The following RANBP3L variants were observed in gnomAD, a reference collection of about 807,000 sequenced individuals.
The protein encoded by RANBP3L is RAN binding protein 3 like.
A neutral mutation model predicts 67.2 loss-of-function variants in RANBP3L; 56 were observed. That is an observed-to-expected ratio of 0.83 (90% CI 0.67 to 1.04). The LOEUF is 1.04. RANBP3L is among the 50% of genes least tolerant of loss of function. The pLI, the probability that RANBP3L is intolerant of heterozygous loss-of-function variation, is 0.00. For missense variants in RANBP3L, 496 were observed against 535.5 expected (o/e 0.93, Z 0.73); for synonymous variants, 164 against 181.4 (o/e 0.90, Z 0.77).
chr5:36,292,829 T>C (rs1751899922), intron 1 of RANBP3L, among the ~76,000 whole-genome samples: 1 of 152,222 alleles, frequency 6.6e-6, no homozygotes, highest in Admixed American at 6.5e-5. Flanking sequence ...TGAAGTCAGG[T>C]AGCGTGATGC....
intron 1 of RANBP3L, among the ~76,000 whole-genome samples, chr5:36,290,898 A>ATTTTTTT (rs758051439): frequency 8.3e-6 from 1 of 120,880 alleles, no homozygotes; most frequent in Non-Finnish European, 1.7e-5. Context: ...TGCCTGGCTA[A>ATTTTTTT]TTTTTTTTTT....
At chr5:36,270,121 C>T in intron 2 of RANBP3L, 131 bp from the exon 3 acceptor site, 1 of 762,488 alleles carries the variant, frequency 1.3e-6, no homozygotes, top group Non-Finnish European at 2.3e-6. Context: ...CAACCTAGTA[C>T]ATCAGATTTC....
intron 6 of RANBP3L, among the ~76,000 whole-genome samples, chr5:36,262,293 G>A (rs73081942): frequency 1.3e-5 from 2 of 152,120 alleles, no homozygotes; most frequent in African/African-American, 4.8e-5. Context: ...ATACAGTGGC[G>A]ATCTGTCTAA....
chr5:36,283,256 AC>A (rs1349141256), intron 1 of RANBP3L, among the ~76,000 whole-genome samples: 26 of 151,866 alleles, frequency 1.7e-4, no homozygotes, highest in African/African-American at 6.0e-4. Context: ...TGGGGTTTCA[AC>A]ATGTTGTCCA....
chr5:36,266,654 T>G (rs902568002), intron 4 of RANBP3L, among the ~76,000 whole-genome samples: 1 of 152,212 alleles, frequency 6.6e-6, no homozygotes, highest in Non-Finnish European at 1.5e-5. Context: ...TTAAAGCACG[T>G]GCATAGATAA....
At chr5:36,268,497 C>T (rs1484101764) in intron 4 of RANBP3L, among the ~76,000 whole-genome samples, 2 of 151,990 alleles carry the variant, frequency 1.3e-5, no homozygotes, top group Non-Finnish European at 2.9e-5. Flanking sequence ...ACACTATCAA[C>T]CATGAAGATG....
intron 1 of RANBP3L, among the ~76,000 whole-genome samples, chr5:36,294,732 G>A (rs1752063196): frequency 6.8e-6 from 1 of 146,700 alleles, no homozygotes; most frequent in African/African-American, 2.5e-5. Flanking sequence ...AAAATTATTT[G>A]GTTTTATATA....
intron 1 of RANBP3L, among the ~76,000 whole-genome samples, chr5:36,273,682 C>T (rs1192435484): frequency 6.6e-6 from 1 of 152,050 alleles, no homozygotes; most frequent in Non-Finnish European, 1.5e-5. Context: ...TTTACCTGAC[C>T]CAGTAGGAGA....
intron 1 of RANBP3L, among the ~76,000 whole-genome samples, chr5:36,291,144 T>G (rs1356098212): frequency 6.6e-6 from 1 of 151,922 alleles, no homozygotes; most frequent in Non-Finnish European, 1.5e-5. Flanking sequence ...CACATGTTTG[T>G]ATAACCAATC....
In RANBP3L at chr5:36,249,592, T is replaced by C. The variant is rs200000564; in HGVS notation, c.*62A>G. On this transcript the variant is annotated 3_prime_UTR_variant, in exon 14 of 14. Transcript: ENST00000296604. ...AGAATCTTCTCATTAGTTAGGGTGG[T>C]TTAGTATTTTCAGTAGGGTGACCCC... 455 of 784,206 alleles carry C rather than the reference T, an allele frequency of 5.8e-4. 1 individual carries two copies. The highest frequency in any genetic ancestry group is 7.5e-4 in the Non-Finnish European group (360 of 482,668). 48.6% of individuals were successfully genotyped at this position (784,206 alleles called of 1,614,324 possible). A position where few individuals can be genotyped will look rare whatever the true frequency, so the allele number is the denominator to read the frequency against.
chr5:36,290,898 ATTTT>A (rs758051439), intron 1 of RANBP3L, among the ~76,000 whole-genome samples: 9 of 120,880 alleles, frequency 7.4e-5, no homozygotes, highest in African/African-American at 2.3e-4. Flanking sequence ...TGCCTGGCTA[ATTTT>A]TTTTTTTTTT....
rs11318481 is a variant in RANBP3L, at chr5:36,295,673, GTTT to G, written c.91+5650_91+5652del. On this transcript the variant is annotated intron_variant, in intron 1 of 13. Transcript: ENST00000296604. ...TTCTCACCAACATTTGTTATATCCT[GTTT>G]TTTTTTTTTTTTTTTTCAAATAGTA... Among the ~76,000 whole-genome samples, 420 of 120,532 alleles carry G rather than the reference GTTT, an allele frequency of 3.5e-3. 3 individuals are homozygous for G. The highest frequency in any genetic ancestry group is 0.012 in the African/African-American group (388 of 31,998). 79.1% of individuals were successfully genotyped at this position (120,532 alleles called of 152,430 possible).
chr5:36,259,871 G>C (rs1749248619), intron 8 of RANBP3L, among the ~76,000 whole-genome samples: 1 of 152,152 alleles, frequency 6.6e-6, no homozygotes, highest in South Asian at 2.1e-4. Flanking sequence ...GTTCTGTGGG[G>C]ATCAGAGAAG....
At chr5:36,275,385 C>T (rs1327877801) in intron 1 of RANBP3L, among the ~76,000 whole-genome samples, 2 of 152,180 alleles carry the variant, frequency 1.3e-5, no homozygotes, top group East Asian at 3.8e-4. Flanking sequence ...CTCCTGCCTC[C>T]AAAACCATTG....
intron 13 of RANBP3L, among the ~76,000 whole-genome samples, chr5:36,250,259 T>G (rs1037143828): frequency 1.3e-5 from 2 of 151,904 alleles, no homozygotes; most frequent in African/African-American, 4.8e-5. Flanking sequence ...AATAAAAGAT[T>G]TTTTTATTTT....
intron 1 of RANBP3L, among the ~76,000 whole-genome samples, chr5:36,280,900 C>A (rs1197283530): frequency 6.6e-6 from 1 of 152,024 alleles, no homozygotes; most frequent in African/African-American, 2.4e-5. Flanking sequence ...ACTCTTTTGC[C>A]TTTTGAAATG....
chr5:36,280,875 T>C (rs1362047844), intron 1 of RANBP3L, among the ~76,000 whole-genome samples: 2 of 152,146 alleles, frequency 1.3e-5, no homozygotes, highest in Non-Finnish European at 1.5e-5. Context: ...CATATACCCA[T>C]CATGACTAGT....
At chr5:36,258,611 A>G (rs1749157521) in intron 8 of RANBP3L, among the ~76,000 whole-genome samples, 1 of 152,142 alleles carries the variant, frequency 6.6e-6, no homozygotes, top group Non-Finnish European at 1.5e-5. Context: ...ACTTAAAGAG[A>G]TAGTTCAGGT....
At position 36,255,489 on chromosome 5, in the gene RANBP3L, T is replaced by G. The variant is rs1748904575; in HGVS notation, c.1005A>C (p.Gly335=). 6.2e-7 allele frequency: 1 copy of G among 1,611,192 alleles called. No individual in the cohort carries two copies. The highest frequency in any genetic ancestry group is 8.5e-7 in the Non-Finnish European group (1 of 1,177,912). Residue 335 remains glycine (G), a synonymous_variant, in exon 11 of 14, where the codon GGA becomes GGC. Coordinates refer to ENST00000296604, the MANE Select transcript of RANBP3L (RefSeq NM_145000.5). ...RLNDTASTDC[G]TLQSRLIMRN... is the part of the protein sequence containing the mutation. The stretch of plus-strand genomic sequence containing the variant: ...CCTTACTTAGTCTTGACTGTAATGT[T>G]CCACAGTCAGTGCTTGCTGTGTCAT...
Sources: allele counts gnomAD v4.1 joint callset (sites outside exome capture counted in the v4.1 genomes callset), GRCh38; gene constraint gnomAD v4.1.1; transcripts MANE v1.5; gene names NCBI Gene and HGNC (gene_info 2026-07-23, HGNC 2026-07-21).